The following CEP112 variants were observed in gnomAD, a reference collection of about 807,000 sequenced individuals.
CEP112 encodes the protein centrosomal protein of 112 kDa.
A neutral mutation model predicts 153.0 loss-of-function variants in CEP112; 127 were observed. The observed-to-expected ratio is 0.83, with a 90% confidence interval of 0.72 to 0.96. The LOEUF is 0.96. Among genes scored for constraint, CEP112 ranks in the 40% least tolerant of loss-of-function variants. The probability of loss-of-function intolerance (pLI) is 0.00; values close to 1 mark genes in which losing one functional copy is unlikely to be tolerated. For missense variants in CEP112, 1,089 were observed against 1,101.2 expected (o/e 0.99, Z 0.16); for synonymous variants, 358 against 374.4 (o/e 0.96, Z 0.51).
At chr17:66,119,558 G>C (rs2069473724) in intron 6 of CEP112, among the ~76,000 whole-genome samples, 1 of 152,100 alleles carries the variant, frequency 6.6e-6, no homozygotes, top group Non-Finnish European at 1.5e-5. Context: ...TTTGATAATT[G>C]AGTCCTTTTC....
intron 23 of CEP112, among the ~76,000 whole-genome samples, chr17:65,698,753 A>G (rs1354443911): frequency 6.6e-6 from 1 of 152,072 alleles, no homozygotes; most frequent in East Asian, 1.9e-4. Context: ...TTCAAGAACC[A>G]CAGCTAGGAT....
chr17:65,647,215 C>G lies in CEP112; in HGVS notation c.2698-6150G>C, dbSNP rs2045486593. Among the ~76,000 whole-genome samples the G allele has an allele frequency of 1.7e-5, 2 of 114,776 alleles. 1 individual carries two copies. Among genetic ancestry groups the G allele is most frequent in the South Asian group, 5.6e-4 (2 of 3,590 alleles). The allele number at this position is 114,776 out of a possible 152,430, so 75.3% of individuals were successfully genotyped here. On this transcript the variant is annotated intron_variant, in intron 24 of 26. Coordinates refer to ENST00000535342, the MANE Select transcript of CEP112 (RefSeq NM_001199165.4). ...TGAGACAGAGTTTTGCTTTTGTTGC[C>G]CAGGCTGGAGTGCAATGGCGCGATC...
chr17:65,835,899 T>C (rs1464638212), intron 21 of CEP112, among the ~76,000 whole-genome samples: 1 of 152,160 alleles, frequency 6.6e-6, no homozygotes, highest in Non-Finnish European at 1.5e-5. Context: ...TATTTTAAAA[T>C]AATAACTACA....
intron 12 of CEP112, among the ~76,000 whole-genome samples, chr17:66,049,712 C>T (rs2066360415): frequency 1.3e-5 from 2 of 152,172 alleles, no homozygotes; most frequent in African/African-American, 4.8e-5. Flanking sequence ...GATTGTGCCA[C>T]TGCACTACAT....
chr17:65,956,196 T>C (rs2144695372), intron 18 of CEP112, among the ~76,000 whole-genome samples: 1 of 152,142 alleles, frequency 6.6e-6, no homozygotes, highest in Middle Eastern at 3.4e-3. Flanking sequence ...ACTGTAGAGA[T>C]TCCTTAAAGA....
rs539554167 is a variant in CEP112 at position 65,670,037 on chromosome 17, G to A, written c.2697+19092C>T. 9.9e-5 allele frequency among the ~76,000 whole-genome samples: 15 copies of A among 152,112 alleles called. No homozygotes were observed. The East Asian group carries it at 1.2e-3, about 12-fold the overall frequency. Reference sequence around the variant, plus strand: ...AGACTCTCTTATTTATCTTACAGTCGAAGGCTAATGGCTCCTGGCACATAG... The same window carrying A: ...AGACTCTCTTATTTATCTTACAGTCAAAGGCTAATGGCTCCTGGCACATAG... On this transcript the variant is annotated intron_variant, in intron 24 of 26. Transcript: ENST00000535342.
intron 6 of CEP112, among the ~76,000 whole-genome samples, chr17:66,107,698 T>G (rs948089582): frequency 6.6e-6 from 1 of 152,084 alleles, no homozygotes; most frequent in Non-Finnish European, 1.5e-5. Context: ...AGAATCAAAA[T>G]TGTTAAAATG....
intron 24 of CEP112, among the ~76,000 whole-genome samples, chr17:65,685,134 T>C (rs2047717721): frequency 6.6e-6 from 1 of 152,186 alleles, no homozygotes. Flanking sequence ...GGGGACTCTG[T>C]GTGCTGATCT....
rs71361253 is a variant in CEP112 at position 66,000,230 on chromosome 17, G to GTTT, written c.1736+5457_1736+5459dup. Among the ~76,000 whole-genome samples, 891 of 142,610 alleles carry GTTT rather than the reference G, an allele frequency of 6.2e-3. 15 individuals carry two copies. The highest frequency in any genetic ancestry group is 0.021 in the East Asian group (105 of 4,964). The allele number at this position is 142,610 out of a possible 152,430, so 93.6% of individuals were successfully genotyped here. A position where few individuals can be genotyped will look rare whatever the true frequency, so the allele number is the denominator to read the frequency against. ...TTTCTCTGCAACCTCACTGGCATCT[G>GTTT]TTTTTTTTTTGTCTTTTTAGTAATA... On this transcript the variant is annotated intron_variant, in intron 17 of 26. Coordinates refer to ENST00000535342, the MANE Select transcript of CEP112 (RefSeq NM_001199165.4).
In CEP112 at chr17:65,678,016, A is replaced by C. The variant is rs150749437; in HGVS notation, c.2697+11113T>G. ...AAAATAGCCCTTTCTCAACAGAAAA[A>C]GGGCTGGACTATAGTAAAAAAAAGG... On this transcript the variant is annotated intron_variant, in intron 24 of 26. Coordinates refer to ENST00000535342, the MANE Select transcript of CEP112 (RefSeq NM_001199165.4). 3.7e-3 allele frequency among the ~76,000 whole-genome samples: 559 copies of C among 149,526 alleles called. 1 individual carries two copies. The highest frequency in any genetic ancestry group is 0.013 in the African/African-American group (543 of 41,454).
chr17:66,175,257 A>T (rs199998433), intron 3 of CEP112, 41 bp from the exon 4 acceptor site: 6 of 1,377,786 alleles, frequency 4.4e-6, no homozygotes, highest in Admixed American at 5.6e-5. Context: ...TTCAAAATGT[A>T]CTATAATAAA....
intron 21 of CEP112, among the ~76,000 whole-genome samples, chr17:65,768,501 A>G (rs889179940): frequency 6.6e-6 from 1 of 152,116 alleles, no homozygotes; most frequent in African/African-American, 2.4e-5. Flanking sequence ...AGCCAGAAAA[A>G]GCAACATAGG....
chr17:65,859,954 G>T (rs925568428), intron 20 of CEP112, among the ~76,000 whole-genome samples: 1 of 149,164 alleles, frequency 6.7e-6, no homozygotes, highest in African/African-American at 2.5e-5. Flanking sequence ...GGCAGAGGTT[G>T]CAGTGAGCCA....
intron 20 of CEP112, among the ~76,000 whole-genome samples, chr17:65,878,467 G>A (rs2058925179): frequency 6.6e-6 from 1 of 152,122 alleles, no homozygotes; most frequent in African/African-American, 2.4e-5. Context: ...AAAACAAAAT[G>A]ATATATGTAC....
intron 4 of CEP112, among the ~76,000 whole-genome samples, chr17:66,161,239 T>G (rs1364309662): frequency 2.0e-5 from 3 of 152,010 alleles, no homozygotes; most frequent in Admixed American, 6.6e-5. Context: ...TTGGTGGGAG[T>G]GTAAATTAGT....
chr17:66,086,821 C>T (rs1423550939), intron 8 of CEP112, among the ~76,000 whole-genome samples: 1 of 152,008 alleles, frequency 6.6e-6, no homozygotes, highest in Non-Finnish European at 1.5e-5. Context: ...TTATTTCCCT[C>T]CTTACATATG....
chr17:66,164,512 G>A (rs895212627), intron 4 of CEP112, among the ~76,000 whole-genome samples: 33 of 145,470 alleles, frequency 2.3e-4, no homozygotes, highest in African/African-American at 6.7e-4. Flanking sequence ...AGGGGAGATC[G>A]CGCCACTGCA....
chr17:66,139,080 C>G (rs1047050880), intron 4 of CEP112, among the ~76,000 whole-genome samples: 5 of 151,592 alleles, frequency 3.3e-5, no homozygotes, highest in African/African-American at 1.2e-4. Context: ...AAAAAAAGAA[C>G]AAACTAAACT....
rs111824151 is a variant in CEP112, at chr17:66,065,918, C to T, written c.955+860G>A. Among the ~76,000 whole-genome samples, 947 of 152,226 alleles carry T rather than the reference C, an allele frequency of 6.2e-3. 9 individuals are homozygous for T. The highest frequency in any genetic ancestry group is 0.022 in the African/African-American group (906 of 41,530). On this transcript the variant is annotated intron_variant, in intron 10 of 26. Transcript: ENST00000535342. ...TGCTGGGATTACAGGCGTAAGCCAC[C>T]GCGCCCGGCCTAAAATCTATCTCTT... is the stretch of plus-strand genomic sequence containing the variant.
Sources: gnomAD v4.1 joint callset for allele counts (sites outside exome capture counted in the v4.1 genomes callset) on GRCh38, gnomAD v4.1.1 for gene constraint, MANE v1.5 for transcripts, NCBI Gene and HGNC (gene_info 2026-07-23, HGNC 2026-07-21) for gene names.